NUDT4: variants seen among roughly 807,000 people sequenced by gnomAD.
NUDT4 encodes the protein nudix hydrolase 4.
Under a neutral mutation model 23.1 loss-of-function variants are expected in NUDT4, and 5 were observed. The ratio of observed to expected loss-of-function variants is 0.22; its 90% confidence interval spans 0.11 to 0.46. NUDT4 has a LOEUF of 0.46. NUDT4 is among the 20% of genes least tolerant of loss of function. The pLI is 0.99. For synonymous variants in NUDT4, 50 were observed against 79.0 expected (o/e 0.63, Z 1.95); for missense variants, 96 against 211.6 (o/e 0.45, Z 3.39).
rs1193233537 is a variant in NUDT4, at chr12:93,402,822, A to G, written c.*3443A>G. The G allele has an allele frequency of 2.0e-5, 3 of 150,002 alleles. No homozygotes were observed. The highest frequency in any genetic ancestry group is 7.4e-5 in the African/African-American group (3 of 40,278). The allele number at this position is 150,002 out of a possible 1,614,324, so 9.3% of individuals were successfully genotyped here. On this transcript the variant is annotated 3_prime_UTR_variant, in exon 5 of 5. Coordinates refer to ENST00000415493, the MANE Select transcript of NUDT4 (RefSeq NM_019094.6). The stretch of plus-strand genomic sequence containing the variant: ...CTTTTATTATTGCAGTTCCATTTAA[A>G]AGCATAACTGGCTAAGTCACCGCCC...
intron 1 of NUDT4, among the ~76,000 whole-genome samples, chr12:93,386,133 G>A (rs1876077464): frequency 6.6e-6 from 1 of 151,644 alleles, no homozygotes; most frequent in Non-Finnish European, 1.5e-5. Context: ...ATGCCACCAT[G>A]CCTGGCTAAT....
chr12:93,398,358 A>G (rs1315957917), intron 3 of NUDT4, among the ~76,000 whole-genome samples: 2 of 142,194 alleles, frequency 1.4e-5, no homozygotes, highest in African/African-American at 3.0e-5. Context: ...AAAAAAAAAA[A>G]AGAAAAGAAC....
chr12:93,392,679 TTTTTTC>T lies in NUDT4; in HGVS notation c.100-1929_100-1924del, dbSNP rs1260626451. 6.8e-4 allele frequency among the ~76,000 whole-genome samples: 76 copies of T among 112,512 alleles called. 1 individual carries two copies. The highest frequency in any genetic ancestry group is 2.6e-3 in the African/African-American group (73 of 28,248). The allele number at this position is 112,512 out of a possible 152,430, so 73.8% of individuals were successfully genotyped here. A position where few individuals can be genotyped will look rare whatever the true frequency, so the allele number is the denominator to read the frequency against. ...GTAGATTTCAGTCTTTTTTTTTTTT[TTTTTTC>T]CCCCGAGATGGAGTCTTGCTCTGTT... On this transcript the variant is annotated intron_variant, in intron 1 of 4. Coordinates refer to ENST00000415493, the MANE Select transcript of NUDT4 (RefSeq NM_019094.6).
rs539040918 is a variant in NUDT4, at chr12:93,388,128, A to G, written c.100-6481A>G. On this transcript the variant is annotated intron_variant, in intron 1 of 4. Transcript: ENST00000415493. ...GTTGTTTAGATGGCCAGTCATTTCTATATCACAGATATTAAGTACCCATTT... is the reference window on the plus strand; with the variant it reads ...GTTGTTTAGATGGCCAGTCATTTCTGTATCACAGATATTAAGTACCCATTT... Among the ~76,000 whole-genome samples the G allele has an allele frequency of 2.9e-4, 44 of 152,342 alleles. 1 individual carries two copies. The highest frequency in any genetic ancestry group is 2.0e-4 in the Admixed American group (3 of 15,304).
chr12:93,379,931 A>T lies in NUDT4; in HGVS notation c.99+1510A>T, dbSNP rs187637169. Among the ~76,000 whole-genome samples, 3 of 152,360 alleles carry T rather than the reference A, an allele frequency of 2.0e-5. No individual in the cohort carries two copies. The East Asian group carries it at 5.8e-4, about 29-fold the overall frequency. On this transcript the variant is annotated intron_variant, in intron 1 of 4. Transcript: ENST00000415493. ...GGTTTCCTCAATATTGTGTAATGAT[A>T]TTCTTAATTGAGTGCTTACAATGTG...
rs1263390848 is a variant in NUDT4, at chr12:93,400,753, G to T, written c.*1374G>T. ...GCCTCCCGAGTAGTTGGGATTACAG[G>T]CGCCTGCCTCCATGCCTGGCTAATT... On this transcript the variant is annotated 3_prime_UTR_variant, in exon 5 of 5. Coordinates refer to ENST00000415493, the MANE Select transcript of NUDT4 (RefSeq NM_019094.6). 1 of 152,392 alleles carries T rather than the reference G, an allele frequency of 6.6e-6. No individual in the cohort carries two copies. The highest frequency in any genetic ancestry group is 2.4e-5 in the African/African-American group (1 of 41,478). 9.4% of individuals were successfully genotyped at this position (152,392 alleles called of 1,614,324 possible).
At chr12:93,389,053 T>C (rs1876301071) in intron 1 of NUDT4, among the ~76,000 whole-genome samples, 1 of 152,264 alleles carries the variant, frequency 6.6e-6, no homozygotes, top group Non-Finnish European at 1.5e-5. Context: ...TGAAACATGC[T>C]GGATTTTAAA....
intron 1 of NUDT4, among the ~76,000 whole-genome samples, chr12:93,389,397 G>GGGA (rs1876327423): frequency 6.6e-6 from 1 of 151,874 alleles, no homozygotes; most frequent in East Asian, 1.9e-4. Flanking sequence ...GCTTGAACCG[G>GGGA]GGAGGCGGAG....
rs751136196 is a variant in NUDT4, at chr12:93,404,416, GAGT to G, written c.*5042_*5044del. The G allele has an allele frequency of 6.6e-6, 1 of 152,198 alleles. No homozygotes were observed. Among genetic ancestry groups the G allele is most frequent in the Non-Finnish European group, 1.5e-5 (1 of 68,028 alleles). The allele number at this position is 152,198 out of a possible 1,614,324, so 9.4% of individuals were successfully genotyped here. On this transcript the variant is annotated 3_prime_UTR_variant, in exon 5 of 5. Coordinates refer to ENST00000415493, the MANE Select transcript of NUDT4 (RefSeq NM_019094.6). ...TGATACAGCCTGTCGGAGAGCTACT[GAGT>G]AGTATTTTATCACAGCTGCATACAT...
At chr12:93,397,668 G>A (rs1877031451) in intron 3 of NUDT4, among the ~76,000 whole-genome samples, 1 of 152,104 alleles carries the variant, frequency 6.6e-6, no homozygotes, top group Non-Finnish European at 1.5e-5. Flanking sequence ...TGAATTACAG[G>A]CATACAACCA....
At chr12:93,387,248 A>G (rs1455184095) in intron 1 of NUDT4, among the ~76,000 whole-genome samples, 1 of 152,152 alleles carries the variant, frequency 6.6e-6, no homozygotes, top group Non-Finnish European at 1.5e-5. Context: ...TTTTATTTGC[A>G]TGCTCTTTAC....
At chr12:93,380,582 C>A (rs1051763658) in intron 1 of NUDT4, among the ~76,000 whole-genome samples, 1 of 152,142 alleles carries the variant, frequency 6.6e-6, no homozygotes, top group African/African-American at 2.4e-5. Flanking sequence ...AGGATATGAT[C>A]TGAGGGAAGA....
intron 1 of NUDT4, chr12:93,380,992 G>A (rs914555745): frequency 1.3e-5 from 2 of 152,312 alleles, no homozygotes; most frequent in East Asian, 1.9e-4. Flanking sequence ...AAAAAGCTAC[G>A]TGGCGCTCCC....
At position 93,385,441 on chromosome 12, in the gene NUDT4, C is replaced by G. The variant is rs571221369; in HGVS notation, c.99+7020C>G. Among the ~76,000 whole-genome samples the G allele has an allele frequency of 3.9e-5, 6 of 152,324 alleles. No homozygotes were observed. The South Asian group carries it at 1.2e-3, about 32-fold the overall frequency. ...GAAGGTTGAATGCATCTTCCTTCATCTCTGTCATCGCTAATGTAACAGACC... is the reference window on the plus strand; with the variant it reads ...GAAGGTTGAATGCATCTTCCTTCATGTCTGTCATCGCTAATGTAACAGACC... On this transcript the variant is annotated intron_variant, in intron 1 of 4. Transcript: ENST00000415493.
chr12:93,395,098 C>T (rs1876838795), intron 2 of NUDT4, among the ~76,000 whole-genome samples: 1 of 152,172 alleles, frequency 6.6e-6, no homozygotes, highest in African/African-American at 2.4e-5. Context: ...ATCCGCCAGC[C>T]TCAGCCTCCC....
chr12:93,385,903 A>C (rs536250615), intron 1 of NUDT4, among the ~76,000 whole-genome samples: 1 of 132,758 alleles, frequency 7.5e-6, no homozygotes, highest in East Asian at 2.2e-4. Context: ...AGATTTCTGC[A>C]TGTATAGATT....
chr12:93,394,044 C>T (rs1357472778), intron 1 of NUDT4, among the ~76,000 whole-genome samples: 2 of 152,048 alleles, frequency 1.3e-5, no homozygotes, highest in Non-Finnish European at 2.9e-5. Context: ...TCTCTGTCAC[C>T]CATGCTGGAG....
chr12:93,387,898 A>C (rs552590104), intron 1 of NUDT4, among the ~76,000 whole-genome samples: 1 of 152,178 alleles, frequency 6.6e-6, no homozygotes, highest in Non-Finnish European at 1.5e-5. Flanking sequence ...CATCCAGTCT[A>C]TTCTCTTATC....
At chr12:93,389,572 T>A (rs1309545211) in intron 1 of NUDT4, among the ~76,000 whole-genome samples, 2 of 152,136 alleles carry the variant, frequency 1.3e-5, no homozygotes, top group Non-Finnish European at 2.9e-5. Flanking sequence ...AAAAGTTTAG[T>A]CATGCTGATG....
Sources: allele counts gnomAD v4.1 joint callset (sites outside exome capture counted in the v4.1 genomes callset), GRCh38; gene constraint gnomAD v4.1.1; transcripts MANE v1.5; gene names NCBI Gene and HGNC (gene_info 2026-07-23, HGNC 2026-07-21).